Variants in GRM7 observed in about 807,000 individuals in gnomAD.
GRM7 encodes the protein glutamate metabotropic receptor 7.
GRM7 carries 35 observed loss-of-function variants against 84.5 expected under a neutral mutation model. That is an observed-to-expected ratio of 0.41 (90% CI 0.32 to 0.55). The LOEUF (loss-of-function observed/expected upper bound fraction) is 0.55. Ranked by LOEUF, GRM7 falls within the 20% of genes least tolerant of loss-of-function variation. The pLI is 0.19. For synonymous variants in GRM7, 487 were observed against 455.1 expected, an observed-to-expected ratio of 1.07 and a Z score of -0.89; for missense variants, 1,003 against 1,194.6, an observed-to-expected ratio of 0.84 and a Z score of 2.36.
chr3:7,701,443 G>C (rs994555317), intron 9 of GRM7, among the ~76,000 whole-genome samples: 1 of 151,922 alleles, frequency 6.6e-6, no homozygotes, highest in Non-Finnish European at 1.5e-5. Context: ...TGGGACTACA[G>C]GCGCACACCA....
chr3:7,359,333 C>CTTT lies in GRM7; in HGVS notation c.1033+52699_1033+52701dup, dbSNP rs372075812. 6.1e-5 allele frequency among the ~76,000 whole-genome samples: 6 copies of CTTT among 98,522 alleles called. No homozygotes were observed. The East Asian group carries it at 1.8e-3, about 29-fold the overall frequency. The allele number at this position is 98,522 out of a possible 152,430, so 64.6% of individuals were successfully genotyped here. A position where few individuals can be genotyped will look rare whatever the true frequency, so the allele number is the denominator to read the frequency against. On this transcript the variant is annotated intron_variant, in intron 4 of 9. Transcript: ENST00000357716. The stretch of plus-strand genomic sequence containing the variant: ...CTGAATCCTATTCACCCCTCCTCCT[C>CTTT]TTTTTTTTTTTTTTTTTTTTGAGAC...
chr3:7,283,578 T>A (rs1428552117), intron 2 of GRM7, among the ~76,000 whole-genome samples: 1 of 152,174 alleles, frequency 6.6e-6, no homozygotes, highest in East Asian at 1.9e-4. Context: ...TTCCGTTCAA[T>A]GTAAACCAAG....
At chr3:7,281,688 C>T (rs1342566690) in intron 2 of GRM7, among the ~76,000 whole-genome samples, 1 of 152,030 alleles carries the variant, frequency 6.6e-6, no homozygotes, top group Non-Finnish European at 1.5e-5. Context: ...TTTTGTCATG[C>T]TCAATATAAA....
intron 8 of GRM7, among the ~76,000 whole-genome samples, chr3:7,596,325 C>T (rs752187098): frequency 2.0e-5 from 3 of 152,012 alleles, no homozygotes; most frequent in Non-Finnish European, 4.4e-5. Flanking sequence ...TGCTTATGAA[C>T]GGTGGTGAAG....
At chr3:7,447,454 C>G (rs1363002670) in intron 5 of GRM7, among the ~76,000 whole-genome samples, 4 of 152,190 alleles carry the variant, frequency 2.6e-5, no homozygotes, top group Non-Finnish European at 5.9e-5. Context: ...GACGATCAAG[C>G]TTTAGTAAAT....
Position 6,868,333 on chromosome 3 carries a change from T to G in GRM7, c.519+6426T>G, listed in dbSNP as rs1003716457. ...AATTGCAGATTTTCCTATCCTGAAT[T>G]TATAGTGGTTTAAAGACATCACAGT... On this transcript the variant is annotated intron_variant, in intron 1 of 9. Coordinates refer to ENST00000357716, the MANE Select transcript of GRM7 (RefSeq NM_000844.4). Among the ~76,000 whole-genome samples the G allele has an allele frequency of 2.6e-5, 4 of 152,190 alleles. 1 individual carries two copies. In the South Asian group the frequency reaches 8.3e-4, roughly 32 times the overall value.
intron 4 of GRM7, among the ~76,000 whole-genome samples, chr3:7,325,254 C>T (rs1433907208): frequency 6.6e-6 from 1 of 152,150 alleles, no homozygotes; most frequent in African/African-American, 2.4e-5. Flanking sequence ...TGGTTACTTC[C>T]TTCGTTAGGT....
At chr3:7,454,960 C>A (rs1236900134) in intron 6 of GRM7, among the ~76,000 whole-genome samples, 1 of 151,960 alleles carries the variant, frequency 6.6e-6, no homozygotes, top group Non-Finnish European at 1.5e-5. Context: ...GTTAAAAGAA[C>A]CCTTAGAAAA....
rs777442128 is a variant in GRM7, at chr3:7,740,366, C to CA, written c.2714dup (p.Lys906GlufsTer6). 3.2e-6 allele frequency: 5 copies of CA among 1,585,356 alleles called. No individual in the cohort carries two copies. The highest frequency in any genetic ancestry group is 2.7e-5 in the African/African-American group (2 of 73,658). On this transcript the variant is annotated frameshift_variant, in exon 10 of 10. Transcript: ENST00000357716. LOFTEE classifies it high-confidence loss of function. ...CTAATTTTTCTTTCAGGCCCTGCTG[C>CA]AAAAAAGAAGTATGTCAGTTATAAT...
At chr3:7,082,993 C>T (rs760829220) in intron 1 of GRM7, among the ~76,000 whole-genome samples, 15 of 152,248 alleles carry the variant, frequency 9.9e-5, no homozygotes, top group South Asian at 4.1e-4. Context: ...AAAGATGCTA[C>T]GAACATTGTT....
intron 1 of GRM7, among the ~76,000 whole-genome samples, chr3:6,874,082 A>T (rs899432511): frequency 6.6e-6 from 1 of 152,198 alleles, no homozygotes; most frequent in African/African-American, 2.4e-5. Context: ...TAACCTCTCT[A>T]AGCCTGTGTC....
chr3:6,904,963 C>T (rs1296491502), intron 1 of GRM7, among the ~76,000 whole-genome samples: 1 of 152,080 alleles, frequency 6.6e-6, no homozygotes, highest in Non-Finnish European at 1.5e-5. Context: ...CCTCAATTCT[C>T]CTGTCCCGGC....
At chr3:7,601,388 C>T (rs575498958) in intron 8 of GRM7, among the ~76,000 whole-genome samples, 1 of 152,076 alleles carries the variant, frequency 6.6e-6, no homozygotes, top group East Asian at 1.9e-4. Context: ...GTGAGAGAGA[C>T]AGGGGTTCTA....
intron 5 of GRM7, among the ~76,000 whole-genome samples, chr3:7,428,873 A>C (rs1442222685): frequency 6.6e-6 from 1 of 152,204 alleles, no homozygotes; most frequent in East Asian, 1.9e-4. Flanking sequence ...ATTATATGAT[A>C]AGCCAGTGAC....
rs1559472494 is a variant in GRM7 at position 7,151,949 on chromosome 3, A to G, written c.736+5281A>G. Among the ~76,000 whole-genome samples the G allele has an allele frequency of 6.6e-6, 1 of 151,944 alleles. No homozygotes were observed. Among genetic ancestry groups the G allele is most frequent in the Non-Finnish European group, 1.5e-5 (1 of 67,994 alleles). On this transcript the variant is annotated intron_variant, in intron 2 of 9. Transcript: ENST00000357716. The surrounding 1 kb of genome is among the most constrained non-coding windows in gnomAD (Gnocchi z 4.5). The stretch of plus-strand genomic sequence containing the variant: ...TCTTTCTGTCTATGTCATGGTGATT[A>G]TGGAAAACTCTGACACATTTTAAAA...
At chr3:7,099,002 C>G (rs922192694) in intron 1 of GRM7, among the ~76,000 whole-genome samples, 2 of 151,612 alleles carry the variant, frequency 1.3e-5, no homozygotes, top group Admixed American at 1.3e-4. Context: ...TTAGCATTAT[C>G]TTTTTAATTA....
intron 7 of GRM7, among the ~76,000 whole-genome samples, chr3:7,534,015 T>A (rs1384511509): frequency 5.5e-4 from 20 of 36,682 alleles, no homozygotes; most frequent in Admixed American, 3.3e-3. Flanking sequence ...CTGAATACTT[T>A]TTTTTTTTTT....
At chr3:6,930,565 A>G (rs1240655004) in intron 1 of GRM7, among the ~76,000 whole-genome samples, 1 of 152,154 alleles carries the variant, frequency 6.6e-6, no homozygotes, top group Non-Finnish European at 1.5e-5. Context: ...CTCTGAGTTT[A>G]GCTCTTACTA....
In GRM7 at chr3:7,461,563, A is replaced by AT. The variant is rs750916322; in HGVS notation, c.1376-14dup. 2 of 1,602,880 alleles carry AT rather than the reference A, an allele frequency of 1.2e-6. No homozygotes were observed. The highest frequency in any genetic ancestry group is 1.1e-5 in the South Asian group (1 of 90,778). On this transcript the variant is annotated intron_variant, in intron 6 of 9. Coordinates refer to ENST00000357716, the MANE Select transcript of GRM7 (RefSeq NM_000844.4). ...ATCTTGTTTAACTTTAGAATCTTTC[A>AT]TTTTTTCTGTCTTCCTTAGGTAGTG...
Sources: gnomAD v4.1 joint callset for allele counts (sites outside exome capture counted in the v4.1 genomes callset) on GRCh38, gnomAD v4.1.1 for gene constraint, Gnocchi (gnomAD v3.1) non-coding constraint, MANE v1.5 for transcripts, NCBI Gene and HGNC (gene_info 2026-07-23, HGNC 2026-07-21) for gene names.